The following SNAP91 variants were observed in gnomAD, a reference collection of about 807,000 sequenced individuals.
SNAP91 encodes the protein synaptosome associated protein 91.
A neutral mutation model predicts 100.3 loss-of-function variants in SNAP91; 27 were observed. The ratio of observed to expected loss-of-function variants is 0.27; its 90% CI spans 0.20 to 0.37. The LOEUF (loss-of-function observed/expected upper bound fraction) is 0.37, where lower values mean the gene tolerates loss of function less well. SNAP91 is among the 10% of genes least tolerant of loss of function. The probability of loss-of-function intolerance (pLI) is 1.00; values close to 1 mark genes in which losing one functional copy is unlikely to be tolerated. For synonymous variants in SNAP91, 404 were observed against 398.6 expected, an observed-to-expected ratio of 1.01 and a Z score of -0.16; for missense variants, 986 against 1,123.7, an observed-to-expected ratio of 0.88 and a Z score of 1.75.
intron 26 of SNAP91, among the ~76,000 whole-genome samples, chr6:83,566,133 T>C (rs551173379): frequency 6.6e-6 from 1 of 152,162 alleles, no homozygotes; most frequent in Non-Finnish European, 1.5e-5. Context: ...TACTGATACA[T>C]GCTTCGACAT....
Position 83,594,484 on chromosome 6 carries a change from T to C in SNAP91, c.1325-3A>G, listed in dbSNP as rs2094224959. On this transcript the variant is annotated splice_polypyrimidine_tract_variant and splice_region_variant and intron_variant, in intron 16 of 29. Transcript: ENST00000369694. ...CCCAGGAGAAGCTGCAAAGGCATCT[T>C]GGGTGCGGTTTTTAAAACAGCAGAA... The C allele has an allele frequency of 2.0e-6, 3 of 1,489,886 alleles. No homozygotes were observed. The highest frequency in any genetic ancestry group is 2.7e-6 in the Non-Finnish European group (3 of 1,121,854). The allele number at this position is 1,489,886 out of a possible 1,614,324, so 92.3% of individuals were successfully genotyped here.
At chr6:83,688,136 T>C (rs1036378487) in intron 2 of SNAP91, among the ~76,000 whole-genome samples, 2 of 152,200 alleles carry the variant, frequency 1.3e-5, no homozygotes, top group Admixed American at 6.5e-5. Flanking sequence ...AGCCTCTGCA[T>C]CAGAATTTCC....
intron 2 of SNAP91, among the ~76,000 whole-genome samples, chr6:83,703,836 T>C (rs1417927095): frequency 6.6e-6 from 1 of 152,204 alleles, no homozygotes. Context: ...ATAAGGTTTG[T>C]TTTGATGTTA....
At chr6:83,631,206 G>A (rs1444325824) in intron 8 of SNAP91, among the ~76,000 whole-genome samples, 1 of 152,012 alleles carries the variant, frequency 6.6e-6, no homozygotes, top group Non-Finnish European at 1.5e-5. Context: ...CTGAGAGAGT[G>A]CTTCATATAA....
intron 26 of SNAP91, among the ~76,000 whole-genome samples, chr6:83,570,495 G>C (rs1483121822): frequency 2.7e-5 from 4 of 149,520 alleles, no homozygotes; most frequent in South Asian, 2.1e-4. Flanking sequence ...ATGTCTCCAG[G>C]ACACGTCAGA....
chr6:83,674,162 C>G (rs1343829488), intron 2 of SNAP91, among the ~76,000 whole-genome samples: 3 of 152,176 alleles, frequency 2.0e-5, no homozygotes, highest in Non-Finnish European at 4.4e-5. Flanking sequence ...TGGTGGCTCA[C>G]GCCTATAATC....
At chr6:83,649,037 T>C (rs2098084124) in intron 7 of SNAP91, among the ~76,000 whole-genome samples, 3 of 152,248 alleles carry the variant, frequency 2.0e-5, no homozygotes, top group African/African-American at 7.2e-5. Context: ...AGAAGCTTTT[T>C]AGTTTTAACT....
At chr6:83,641,036 C>A in intron 8 of SNAP91, 60 bp downstream of exon 8, 1 of 955,220 alleles carries the variant, frequency 1.0e-6, no homozygotes, top group Non-Finnish European at 1.5e-6. Context: ...TATATATACT[C>A]CAGATACATG....
In SNAP91 at chr6:83,601,387, G is replaced by A. The variant is rs956733998; in HGVS notation, c.1208C>T (p.Pro403Leu). ...AGGAGGGGTAGGTTCTGGTGCAAAT[G>A]GATCTGAAATCTGTGCTTCAGAGGG... ...SVPSEAQISD[P>L]FAPEPTPPTT... Residue 403 changes from proline to leucine, a missense_variant, in exon 16 of 30, where the codon CCA becomes CTA. Pro to Leu is a moderately conservative substitution (Grantham distance 98). This residue lies in a region of SNAP91 where 575 missense variants were observed against 579.9 expected (regional missense o/e 0.99). Coordinates refer to ENST00000369694, the MANE Select transcript of SNAP91 (RefSeq NM_001242792.2). The A allele has an allele frequency of 6.2e-7, 1 of 1,613,566 alleles. No homozygotes were observed. Among genetic ancestry groups the A allele is most frequent in the East Asian group, 2.2e-5 (1 of 44,858 alleles).
chr6:83,597,328 G>C (rs1335558307), intron 16 of SNAP91, among the ~76,000 whole-genome samples: 1 of 152,152 alleles, frequency 6.6e-6, no homozygotes, highest in Non-Finnish European at 1.5e-5. Flanking sequence ...CCAGAACTGT[G>C]AGAGATAAAA....
At position 83,644,433 on chromosome 6, in the gene SNAP91, C is replaced by G. The variant is rs1039681608; in HGVS notation, c.659-3231G>C. The stretch of plus-strand genomic sequence containing the variant: ...CAGACCAGTGCAGGGCCTAAAAAAA[C>G]TGGCACTTTTAAAGAGGGGATTGGT... On this transcript the variant is annotated intron_variant, in intron 7 of 29. Coordinates refer to ENST00000369694, the MANE Select transcript of SNAP91 (RefSeq NM_001242792.2). Among the ~76,000 whole-genome samples the G allele has an allele frequency of 5.3e-5, 8 of 152,160 alleles. 1 individual carries two copies. The East Asian group carries it at 1.5e-3, about 29-fold the overall frequency.
chr6:83,645,253 T>G (rs2097868294), intron 7 of SNAP91, among the ~76,000 whole-genome samples: 1 of 152,158 alleles, frequency 6.6e-6, no homozygotes, highest in Non-Finnish European at 1.5e-5. Flanking sequence ...TGACTTTTTT[T>G]TTTTTAGAAA....
At chr6:83,664,619 TG>T (rs1239473858) in intron 3 of SNAP91, among the ~76,000 whole-genome samples, 6 of 152,160 alleles carry the variant, frequency 3.9e-5, no homozygotes, top group Non-Finnish European at 8.8e-5. Flanking sequence ...TTGCTTCTTA[TG>T]GACGAGAAAG....
intron 2 of SNAP91, among the ~76,000 whole-genome samples, chr6:83,678,361 A>G (rs1231204080): frequency 6.6e-6 from 1 of 152,110 alleles, no homozygotes; most frequent in Non-Finnish European, 1.5e-5. Context: ...CTCTATCCTC[A>G]GAAAAGAATA....
intron 11 of SNAP91, chr6:83,611,299 C>A: frequency 3.2e-6 from 1 of 312,106 alleles, no homozygotes; most frequent in Admixed American, 4.5e-5. Context: ...AGGAAAAAAA[C>A]AGCAACTTCG....
At chr6:83,604,868 T>C (rs966331267) in intron 14 of SNAP91, among the ~76,000 whole-genome samples, 5 of 152,158 alleles carry the variant, frequency 3.3e-5, no homozygotes, top group Non-Finnish European at 7.4e-5. Context: ...CTTTATCATC[T>C]TGCTGGTTTC....
chr6:83,573,355 T>C (rs567837721), intron 26 of SNAP91, among the ~76,000 whole-genome samples: 28 of 152,030 alleles, frequency 1.8e-4, no homozygotes, highest in Non-Finnish European at 3.4e-4. Flanking sequence ...ATAATCAATA[T>C]CGTGAAAATG....
At chr6:83,673,716 C>A (rs1288651861) in intron 2 of SNAP91, among the ~76,000 whole-genome samples, 3 of 152,126 alleles carry the variant, frequency 2.0e-5, no homozygotes, top group Non-Finnish European at 4.4e-5. Context: ...ATTGCCTCAC[C>A]AACAGCTATT....
chr6:83,574,970 C>T, intron 26 of SNAP91, 40 bp downstream of exon 26: 5 of 1,371,780 alleles, frequency 3.6e-6, no homozygotes, highest in Non-Finnish European at 5.1e-6. Context: ...TGGAAACTGG[C>T]AAACTGCCTG....
Sources: allele counts gnomAD v4.1 joint callset (sites outside exome capture counted in the v4.1 genomes callset), GRCh38; gene constraint gnomAD v4.1.1; regional missense constraint gnomAD v4.1.1; transcripts MANE v1.5; gene names NCBI Gene and HGNC (gene_info 2026-07-23, HGNC 2026-07-21).